Variants in CCSER2 observed in about 807,000 individuals in gnomAD.
CCSER2 encodes the protein serine-rich coiled-coil domain-containing protein 2.
Under a neutral mutation model 92.3 loss-of-function variants are expected in CCSER2, and 46 were observed. The observed-to-expected ratio is 0.50, with a 90% CI of 0.39 to 0.64. The LOEUF (loss-of-function observed/expected upper bound fraction) is 0.64. Ranked by LOEUF, CCSER2 falls within the 30% of genes least tolerant of loss-of-function variation. The pLI, the probability that CCSER2 is intolerant of heterozygous loss-of-function variation, is 0.00. For missense variants in CCSER2, 1,244 were observed against 1,238.9 expected (o/e 1.00, Z -0.06); for synonymous variants, 433 against 431.4 (o/e 1.00, Z -0.04).
At chr10:84,415,344 G>A (rs1842839782) in intron 3 of CCSER2, among the ~76,000 whole-genome samples, 1 of 152,138 alleles carries the variant, frequency 6.6e-6, no homozygotes, top group South Asian at 2.1e-4. Flanking sequence ...GGTCTTTTTT[G>A]TTGATGGTTT....
At chr10:84,512,027 A>G (rs1296624530) in intron 9 of CCSER2, among the ~76,000 whole-genome samples, 1 of 151,970 alleles carries the variant, frequency 6.6e-6, no homozygotes, top group African/African-American at 2.4e-5. Context: ...ATTTTTTTTT[A>G]ATGCAAGTCA....
chr10:84,453,059 T>TA (rs1273144103), intron 6 of CCSER2, among the ~76,000 whole-genome samples: 1 of 152,178 alleles, frequency 6.6e-6, no homozygotes, highest in Non-Finnish European at 1.5e-5. Context: ...CTAGACTGTT[T>TA]AATAAAAAGG....
intron 1 of CCSER2, among the ~76,000 whole-genome samples, chr10:84,337,943 C>T (rs575659668): frequency 1.4e-4 from 21 of 152,166 alleles, no homozygotes; most frequent in African/African-American, 3.4e-4. Context: ...AGTAGTTACC[C>T]GTGGACACAT....
In CCSER2 at chr10:84,370,224, A is replaced by G. The variant is rs2133161683; in HGVS notation, c.-39-790A>G. Among the ~76,000 whole-genome samples, 3 of 152,254 alleles carry G rather than the reference A, an allele frequency of 2.0e-5. No homozygotes were observed. In the South Asian group the frequency reaches 6.2e-4, roughly 32 times the overall value. ...GAATCTGTAGACTGCTTTGGGCAGC[A>G]TGGTCATTTTCATGATATGGATTCC... On this transcript the variant is annotated intron_variant, in intron 1 of 9. Coordinates refer to ENST00000372088, the MANE Select transcript of CCSER2 (RefSeq NM_001284240.2).
chr10:84,338,746 C>A (rs1421864732), intron 1 of CCSER2, among the ~76,000 whole-genome samples: 2 of 152,174 alleles, frequency 1.3e-5, no homozygotes. Context: ...TCTCTACCAC[C>A]CCTTTTTTTC....
At chr10:84,494,318 G>A (rs1848329935) in intron 9 of CCSER2, among the ~76,000 whole-genome samples, 1 of 152,208 alleles carries the variant, frequency 6.6e-6, no homozygotes, top group African/African-American at 2.4e-5. Flanking sequence ...ATAATGAGCA[G>A]TAAGGATGAC....
At chr10:84,392,844 C>A (rs890189037) in intron 3 of CCSER2, among the ~76,000 whole-genome samples, 2 of 151,888 alleles carry the variant, frequency 1.3e-5, no homozygotes, top group Admixed American at 1.3e-4. Flanking sequence ...ATTAATGTAG[C>A]GGATATAATT....
intron 9 of CCSER2, among the ~76,000 whole-genome samples, chr10:84,487,918 A>G (rs2133788213): frequency 6.6e-6 from 1 of 152,366 alleles, no homozygotes; most frequent in Non-Finnish European, 1.5e-5. Flanking sequence ...CGTCCCATCA[A>G]TACCTAATTT....
At chr10:84,448,270 C>T (rs1385862459) in intron 6 of CCSER2, among the ~76,000 whole-genome samples, 1 of 152,116 alleles carries the variant, frequency 6.6e-6, no homozygotes, top group African/African-American at 2.4e-5. Context: ...GGATATTCAC[C>T]TCACTCTTCT....
At chr10:84,490,509 C>G (rs1848093532) in intron 9 of CCSER2, among the ~76,000 whole-genome samples, 1 of 152,174 alleles carries the variant, frequency 6.6e-6, no homozygotes, top group Non-Finnish European at 1.5e-5. Context: ...ATCACTGATA[C>G]CCTTTCTTCC....
At chr10:84,364,040 T>A (rs1380012218) in intron 1 of CCSER2, among the ~76,000 whole-genome samples, 2 of 152,084 alleles carry the variant, frequency 1.3e-5, no homozygotes. Context: ...TATCTAAAGT[T>A]ATGTAAACAT....
At chr10:84,483,974 T>C (rs1477242999) in intron 9 of CCSER2, among the ~76,000 whole-genome samples, 7 of 51,386 alleles carry the variant, frequency 1.4e-4, no homozygotes, top group Admixed American at 5.3e-4. Context: ...TATATATATA[T>C]ATATATATAT....
At chr10:84,466,793 G>A (rs541064882) in intron 7 of CCSER2, among the ~76,000 whole-genome samples, 8 of 152,012 alleles carry the variant, frequency 5.3e-5, no homozygotes, top group South Asian at 2.1e-4. Flanking sequence ...GATTACAGGC[G>A]TAAGCCACCG....
At chr10:84,495,451 C>G (rs1437585520) in intron 9 of CCSER2, among the ~76,000 whole-genome samples, 1 of 152,146 alleles carries the variant, frequency 6.6e-6, no homozygotes, top group Non-Finnish European at 1.5e-5. Context: ...ATAGAATATT[C>G]TGTAAGCATT....
At chr10:84,484,002 T>A (rs1847648489) in intron 9 of CCSER2, among the ~76,000 whole-genome samples, 1 of 133,834 alleles carries the variant, frequency 7.5e-6, no homozygotes, top group African/African-American at 2.7e-5. Context: ...TATATAATTT[T>A]TTTTTTTTTT....
At chr10:84,482,275 A>G (rs1289241067) in intron 9 of CCSER2, among the ~76,000 whole-genome samples, 2 of 152,192 alleles carry the variant, frequency 1.3e-5, no homozygotes, top group Non-Finnish European at 2.9e-5. Context: ...GGGGCAAAAT[A>G]CCCGGATACA....
At chr10:84,437,473 C>T (rs1281270256) in intron 5 of CCSER2, among the ~76,000 whole-genome samples, 1 of 151,584 alleles carries the variant, frequency 6.6e-6, no homozygotes, top group Admixed American at 6.6e-5. Context: ...AAGATCGTAC[C>T]ATTGCGCTCC....
At chr10:84,433,938 G>A (rs1309870714) in intron 5 of CCSER2, among the ~76,000 whole-genome samples, 1 of 152,106 alleles carries the variant, frequency 6.6e-6, no homozygotes, top group Non-Finnish European at 1.5e-5. Context: ...GCCTGCCTGG[G>A]CTATGATCGG....
intron 3 of CCSER2, chr10:84,394,043 C>CT (rs1841680361): frequency 6.6e-6 from 1 of 152,180 alleles, no homozygotes; most frequent in African/African-American, 2.4e-5. Context: ...CAGTATAGAT[C>CT]TTTTTGTCCT....
Sources: allele counts gnomAD v4.1 joint callset (sites outside exome capture counted in the v4.1 genomes callset), GRCh38; gene constraint gnomAD v4.1.1; transcripts MANE v1.5; gene names NCBI Gene and HGNC (gene_info 2026-07-23, HGNC 2026-07-21).